The following ANKFN1 variants were observed in gnomAD, a reference collection of about 807,000 sequenced individuals.
ANKFN1 encodes the protein ankyrin repeat and fibronectin type-III domain-containing protein 1.
ANKFN1 carries 74 observed loss-of-function variants against 108.7 expected under a neutral mutation model. The observed-to-expected ratio is 0.68, with a 90% CI of 0.56 to 0.83. The LOEUF (loss-of-function observed/expected upper bound fraction) is 0.83. ANKFN1 is among the 40% of genes least tolerant of loss of function. The pLI, the probability that ANKFN1 is intolerant of heterozygous loss-of-function variation, is 0.00. For synonymous variants in ANKFN1, 547 were observed against 516.2 expected (o/e 1.06, Z -0.81); for missense variants, 1,505 against 1,382.3 (o/e 1.09, Z -1.41).
intron 4 of ANKFN1, among the ~76,000 whole-genome samples, chr17:56,068,969 G>C (rs1905091782): frequency 6.6e-6 from 1 of 152,126 alleles, no homozygotes; most frequent in Admixed American, 6.5e-5. Flanking sequence ...TAGATATATA[G>C]AATTAATGTC....
chr17:56,075,781 G>A (rs1905174346), intron 4 of ANKFN1, among the ~76,000 whole-genome samples: 1 of 152,126 alleles, frequency 6.6e-6, no homozygotes, highest in Non-Finnish European at 1.5e-5. Context: ...TTGTGCATTA[G>A]TAATTATTTT....
Sources: allele counts gnomAD v4.1 joint callset (sites outside exome capture counted in the v4.1 genomes callset), GRCh38; gene constraint gnomAD v4.1.1; transcripts MANE v1.5; gene names NCBI Gene and HGNC (gene_info 2026-07-23, HGNC 2026-07-21).